CSMD3: variants seen among roughly 807,000 people sequenced by gnomAD.
CSMD3 encodes CUB and Sushi multiple domains 3, also known as CUB and sushi domain-containing protein 3.
Under a neutral mutation model 435.2 loss-of-function variants are expected in CSMD3, and 177 were observed. That is an observed-to-expected ratio of 0.41 (90% CI 0.36 to 0.46). The LOEUF is 0.46. CSMD3 is among the 20% of genes least tolerant of loss of function. The pLI, the probability that CSMD3 is intolerant of heterozygous loss-of-function variation, is 0.34. For missense variants in CSMD3, 4,265 were observed against 4,504.6 expected (o/e 0.95, Z 1.52); for synonymous variants, 1,656 against 1,520.5 (o/e 1.09, Z -2.07).
chr8:113,358,699 G>T (rs1362454192), intron 1 of CSMD3, among the ~76,000 whole-genome samples: 1 of 152,126 alleles, frequency 6.6e-6, no homozygotes, highest in African/African-American at 2.4e-5. Flanking sequence ...ATTTCTCAAT[G>T]ATTAATGATG....
intron 20 of CSMD3, among the ~76,000 whole-genome samples, chr8:112,639,460 T>C (rs544591162): frequency 2.6e-5 from 4 of 152,254 alleles, no homozygotes; most frequent in Non-Finnish European, 5.9e-5. Flanking sequence ...ATGCAAAAAA[T>C]GTATATATAA....
chr8:113,203,411 G>A (rs573474034), intron 3 of CSMD3, among the ~76,000 whole-genome samples: 1 of 151,440 alleles, frequency 6.6e-6, no homozygotes, highest in South Asian at 2.1e-4. Context: ...GGGCTCAAAT[G>A]ACCCTCTTGC....
chr8:112,598,847 A>G (rs533942014), intron 22 of CSMD3, among the ~76,000 whole-genome samples: 1 of 152,344 alleles, frequency 6.6e-6, no homozygotes, highest in African/African-American at 2.4e-5. Flanking sequence ...TCCCCTCCTT[A>G]CACCTTATAC....
intron 18 of CSMD3, among the ~76,000 whole-genome samples, chr8:112,655,490 A>G (rs535998489): frequency 6.6e-6 from 1 of 152,122 alleles, no homozygotes; most frequent in South Asian, 2.1e-4. Flanking sequence ...TAAATGGAAA[A>G]AAAGCCCATT....
chr8:113,148,603 T>C (rs2091732874), intron 4 of CSMD3, among the ~76,000 whole-genome samples: 1 of 151,700 alleles, frequency 6.6e-6, no homozygotes, highest in African/African-American at 2.4e-5. Context: ...GCTTAAAGAA[T>C]GAGCAATGAA....
intron 5 of CSMD3, among the ~76,000 whole-genome samples, chr8:113,090,064 A>T (rs2131504206): frequency 6.6e-6 from 1 of 152,264 alleles, no homozygotes; most frequent in South Asian, 2.1e-4. Context: ...TGAGTTTAAA[A>T]GGAAGTTTTA....
intron 50 of CSMD3, among the ~76,000 whole-genome samples, chr8:112,308,500 T>G (rs543605603): frequency 2.0e-5 from 3 of 152,136 alleles, no homozygotes; most frequent in African/African-American, 7.2e-5. Flanking sequence ...CTCCGCTAAT[T>G]TTTTTAAAAA....
chr8:112,978,893 A>T (rs2084947713), intron 6 of CSMD3, among the ~76,000 whole-genome samples: 1 of 151,962 alleles, frequency 6.6e-6, no homozygotes, highest in East Asian at 1.9e-4. Flanking sequence ...AGAAGAAATA[A>T]TAAATAAAGA....
intron 1 of CSMD3, among the ~76,000 whole-genome samples, chr8:113,332,463 A>G (rs1286500134): frequency 6.6e-6 from 1 of 151,174 alleles, no homozygotes; most frequent in Non-Finnish European, 1.5e-5. Flanking sequence ...GTGAACAAAA[A>G]ATCACTGTAT....
chr8:112,521,714 T>G (rs1824300541), intron 27 of CSMD3, among the ~76,000 whole-genome samples: 1 of 151,914 alleles, frequency 6.6e-6, no homozygotes, highest in Non-Finnish European at 1.5e-5. Flanking sequence ...ACCATTCTCT[T>G]CAAGTGCCTA....
chr8:112,496,273 CTTAA>C (rs1319088729), intron 30 of CSMD3, among the ~76,000 whole-genome samples: 1 of 152,034 alleles, frequency 6.6e-6, no homozygotes, highest in Non-Finnish European at 1.5e-5. Flanking sequence ...CCAGCCACGT[CTTAA>C]TTTTTAATTA....
intron 1 of CSMD3, among the ~76,000 whole-genome samples, chr8:113,431,358 G>A (rs2094671788): frequency 6.6e-6 from 1 of 152,116 alleles, no homozygotes; most frequent in African/African-American, 2.4e-5. Context: ...ATAAACTAAA[G>A]TGTTCTTAGA....
At chr8:113,302,069 C>T (rs1361427642) in intron 2 of CSMD3, among the ~76,000 whole-genome samples, 1 of 150,938 alleles carries the variant, frequency 6.6e-6, no homozygotes, top group Admixed American at 6.6e-5. Flanking sequence ...TTCATCACTC[C>T]AAAAATGCTA....
chr8:112,421,681 A>G (rs924659740), intron 32 of CSMD3, among the ~76,000 whole-genome samples: 3 of 147,972 alleles, frequency 2.0e-5, no homozygotes, highest in Admixed American at 1.4e-4. Flanking sequence ...TATTACATAT[A>G]TATGTATACC....
intron 67 of CSMD3, among the ~76,000 whole-genome samples, chr8:112,235,120 C>T (rs1262484177): frequency 6.6e-6 from 1 of 152,158 alleles, no homozygotes. Context: ...AATCCCAGCA[C>T]TTTGGGAAGC....
At chr8:112,905,473 T>G (rs2082235594) in intron 10 of CSMD3, among the ~76,000 whole-genome samples, 1 of 151,326 alleles carries the variant, frequency 6.6e-6, no homozygotes, top group African/African-American at 2.4e-5. Flanking sequence ...GAATATCTTT[T>G]TAAGGTTGTT....
intron 3 of CSMD3, among the ~76,000 whole-genome samples, chr8:113,256,659 T>C (rs993034282): frequency 6.6e-6 from 1 of 152,190 alleles, no homozygotes; most frequent in African/African-American, 2.4e-5. Flanking sequence ...AAAAAATAAC[T>C]GGCATCAAAT....
At chr8:112,452,661 C>G (rs1352540016) in intron 32 of CSMD3, among the ~76,000 whole-genome samples, 1 of 152,136 alleles carries the variant, frequency 6.6e-6, no homozygotes, top group Non-Finnish European at 1.5e-5. Context: ...AACAGGTTTT[C>G]AGAGTTTTCA....
intron 5 of CSMD3, among the ~76,000 whole-genome samples, chr8:113,090,144 A>G (rs1186885315): frequency 6.6e-6 from 1 of 152,132 alleles, no homozygotes; most frequent in Admixed American, 6.6e-5. Context: ...TTTTAAATCC[A>G]TGCCATCAAA....
Sources: allele counts gnomAD v4.1 joint callset (sites outside exome capture counted in the v4.1 genomes callset), GRCh38; gene constraint gnomAD v4.1.1; transcripts MANE v1.5; gene names NCBI Gene and HGNC (gene_info 2026-07-23, HGNC 2026-07-21).